CFAP92: variants seen among roughly 807,000 people sequenced by gnomAD.
The protein encoded by CFAP92 is cilia and flagella associated protein 92 (putative), also known as uncharacterized protein CFAP92.
A neutral mutation model predicts 106.3 loss-of-function variants in CFAP92; 86 were observed. That is an observed-to-expected ratio of 0.81 (90% CI 0.68 to 0.97). The LOEUF is 0.97. Among genes scored for constraint, CFAP92 ranks in the 50% least tolerant of loss-of-function variants. CFAP92 has a pLI of 0.00. For synonymous variants in CFAP92, 477 were observed against 506.4 expected, an observed-to-expected ratio of 0.94 and a Z score of 0.78; for missense variants, 1,204 against 1,283.8, an observed-to-expected ratio of 0.94 and a Z score of 0.95.
intron 9 of CFAP92, among the ~76,000 whole-genome samples, chr3:128,956,598 G>GA (rs151221853): frequency 0.04 from 6,000 of 151,392 alleles, 301 homozygotes; most frequent in African/African-American, 0.11. Flanking sequence ...TACTTATAGG[G>GA]AAAAAAAAGT....
intron 9 of CFAP92, among the ~76,000 whole-genome samples, chr3:128,958,128 C>A (rs1576520721): frequency 6.6e-6 from 1 of 152,182 alleles, no homozygotes; most frequent in African/African-American, 2.4e-5. Context: ...ACTTGACTAC[C>A]TCTGCAAAGA....
chr3:128,964,950 A>G (rs935219797), intron 9 of CFAP92, among the ~76,000 whole-genome samples: 1 of 152,238 alleles, frequency 6.6e-6, no homozygotes, highest in African/African-American at 2.4e-5. Flanking sequence ...TTAATATAAG[A>G]AGGCAGGAAT....
At chr3:128,937,332 A>AAC (rs796582752) in intron 10 of CFAP92, among the ~76,000 whole-genome samples, 1,526 of 143,556 alleles carry the variant, frequency 0.011, 37 homozygotes, top group African/African-American at 0.036. Flanking sequence ...AAAAAAAAAA[A>AAC]CCACGCGTAG....
intron 12 of CFAP92, among the ~76,000 whole-genome samples, chr3:128,924,647 A>G (rs900081595): frequency 6.6e-6 from 1 of 150,702 alleles, no homozygotes; most frequent in African/African-American, 2.5e-5. Flanking sequence ...GGGTTTCTCC[A>G]TGTTGGTCAG....
chr3:128,924,970 T>C (rs1411439270), intron 12 of CFAP92, among the ~76,000 whole-genome samples: 1 of 152,252 alleles, frequency 6.6e-6, no homozygotes, highest in Admixed American at 6.5e-5. Flanking sequence ...ATACTAGCAC[T>C]GGCCCCCTAG....
At chr3:128,930,696 A>T (rs6784735) in intron 12 of CFAP92, among the ~76,000 whole-genome samples, 37,772 of 151,876 alleles carry the variant, frequency 0.25, 5,705 homozygotes, top group Non-Finnish European at 0.33. Flanking sequence ...TACCGCAGTG[A>T]GCCGAGATCA....
chr3:128,947,098 G>A (rs916128540), intron 9 of CFAP92, among the ~76,000 whole-genome samples: 19 of 152,224 alleles, frequency 1.2e-4, no homozygotes, highest in South Asian at 1.0e-3. Flanking sequence ...CTGGAGCAGG[G>A]AGGACTGGGT....
chr3:129,009,453 A>G, the CFAP92 span, among the ~76,000 whole-genome samples: 1 of 152,206 alleles, frequency 6.6e-6, no homozygotes, highest in African/African-American at 2.4e-5. Flanking sequence ...ACCATCTGTC[A>G]TCTGAACCAT....
chr3:128,932,318 T>A (rs140366347), intron 12 of CFAP92, among the ~76,000 whole-genome samples: 1 of 152,096 alleles, frequency 6.6e-6, no homozygotes, highest in Non-Finnish European at 1.5e-5. Context: ...GATTAGTTTA[T>A]GTCCCATGTT....
Position 128,993,262 on chromosome 3 carries a change from T to G in CFAP92, c.43A>C (p.Ile15Leu), listed in dbSNP as rs761010221. ...AWEWEEDPAS[I>L]EPISSITSFY... ...CTAGTGATGGAGGAGATGGGCTCTATGCTTGCGGGGTCCTCTTCCCACTCC... is the reference window on the plus strand; with the variant it reads ...CTAGTGATGGAGGAGATGGGCTCTAGGCTTGCGGGGTCCTCTTCCCACTCC... Residue 15 changes from isoleucine to leucine, a missense_variant, in exon 2 of 16, where the codon ATA (isoleucine) becomes CTA (leucine). Coordinates refer to ENST00000645291, the MANE Select transcript of CFAP92 (RefSeq NM_001394090.1). 2 of 1,613,916 alleles carry G rather than the reference T, an allele frequency of 1.2e-6. No individual in the cohort carries two copies. Among genetic ancestry groups the G allele is most frequent in the Admixed American group, 3.3e-5 (2 of 60,022 alleles).
At chr3:128,944,774 T>C (rs1399147131) in intron 10 of CFAP92, among the ~76,000 whole-genome samples, 4 of 152,158 alleles carry the variant, frequency 2.6e-5, no homozygotes, top group Non-Finnish European at 5.9e-5. Context: ...TGAAATCTAA[T>C]ACAGAATATT....
chr3:128,973,089 G>A (rs1183049088), intron 7 of CFAP92, among the ~76,000 whole-genome samples: 1 of 152,108 alleles, frequency 6.6e-6, no homozygotes, highest in Non-Finnish European at 1.5e-5. Flanking sequence ...CAAGTCAAAC[G>A]ATAAGTTATA....
At position 128,987,667 on chromosome 3, in the gene CFAP92, G is replaced by A. The variant is rs549837908; in HGVS notation, c.616C>T (p.Arg206Ter). The A allele has an allele frequency of 1.0e-4, 162 of 1,613,990 alleles. 2 individuals carry two copies. In the South Asian group the frequency reaches 1.3e-3, roughly 13 times the overall value. ...TCTGTGAAGCCGGCAGTCTTTAATC[G>A]GTAATATCTGACTTTTCTTGACATC... is the stretch of plus-strand genomic sequence containing the variant. The part of the protein sequence containing the change: ...DKMSRKVRYY[R>*]LKTAGFTDDV... The change falls in exon 4 of 16, where the codon CGA becomes TGA. Residue 206 changes from arginine to a stop codon, truncating the protein, a stop_gained. Coordinates refer to ENST00000645291, the MANE Select transcript of CFAP92 (RefSeq NM_001394090.1). LOFTEE classifies it high-confidence loss of function.
rs375640304 is a variant in CFAP92 at position 128,963,096 on chromosome 3, T to G, written c.1353+2415A>C. Among the ~76,000 whole-genome samples, 1,099 of 152,148 alleles carry G rather than the reference T, an allele frequency of 7.2e-3. 18 individuals are homozygous for G. The highest frequency in any genetic ancestry group is 0.048 in the South Asian group (232 of 4,822). On this transcript the variant is annotated intron_variant, in intron 9 of 15. Coordinates refer to ENST00000645291, the MANE Select transcript of CFAP92 (RefSeq NM_001394090.1). ...TCACAGACAGCCCCCATTACTTCAGTCAAGCCCAAATTTCGTCCTCATCTG... is the reference window on the plus strand; with the variant it reads ...TCACAGACAGCCCCCATTACTTCAGGCAAGCCCAAATTTCGTCCTCATCTG...
At chr3:128,965,942 A>G (rs547263738) in intron 8 of CFAP92, among the ~76,000 whole-genome samples, 2 of 152,310 alleles carry the variant, frequency 1.3e-5, no homozygotes, top group South Asian at 2.1e-4. Flanking sequence ...TCTTGATGAC[A>G]TCTTTTAAGA....
intron 12 of CFAP92, among the ~76,000 whole-genome samples, chr3:128,930,866 G>A (rs1576421259): frequency 6.6e-6 from 1 of 152,142 alleles, no homozygotes; most frequent in Non-Finnish European, 1.5e-5. Context: ...GGTAGGATAA[G>A]GAAGACTGCA....
intron 12 of CFAP92, among the ~76,000 whole-genome samples, chr3:128,931,472 CATGT>C (rs75739976): frequency 1.6e-4 from 24 of 147,550 alleles, no homozygotes; most frequent in East Asian, 7.9e-4. Context: ...TATACACATA[CATGT>C]ATATATATGT....
chr3:128,952,982 C>G (rs1940958279), intron 9 of CFAP92, among the ~76,000 whole-genome samples: 1 of 152,138 alleles, frequency 6.6e-6, no homozygotes. Flanking sequence ...ATTTGGGAAG[C>G]TGAGGCAGAG....
intron 13 of CFAP92, 181 bp downstream of exon 13, chr3:128,915,926 G>A (rs1239003582): frequency 1.3e-5 from 6 of 444,608 alleles, no homozygotes; most frequent in Non-Finnish European, 2.3e-5. Context: ...CCTCAGGTGT[G>A]GAGGATTCAC....
Sources: gnomAD v4.1 joint callset for allele counts (sites outside exome capture counted in the v4.1 genomes callset) on GRCh38, gnomAD v4.1.1 for gene constraint, MANE v1.5 for transcripts, NCBI Gene and HGNC (gene_info 2026-07-23, HGNC 2026-07-21) for gene names.